Variants in BNC2 observed in about 807,000 individuals in gnomAD.
BNC2 encodes the protein zinc finger protein basonuclin-2.
BNC2 carries 20 observed loss-of-function variants against 76.3 expected under a neutral mutation model. That is an observed-to-expected ratio of 0.26 (90% confidence interval 0.18 to 0.38). The LOEUF (loss-of-function observed/expected upper bound fraction) is 0.38, where lower values mean the gene tolerates loss of function less well. Among genes scored for constraint, BNC2 ranks in the 10% least tolerant of loss-of-function variants. BNC2 has a pLI of 1.00. For missense variants in BNC2, 1,382 were observed against 1,399.8 expected (o/e 0.99, Z 0.20); for synonymous variants, 582 against 514.8 (o/e 1.13, Z -1.77).
Position 16,418,851 on chromosome 9 carries a change from T to C in BNC2, c.*138A>G. The C allele has an allele frequency of 1.1e-6, 1 of 938,662 alleles. No homozygotes were observed. Among genetic ancestry groups the C allele is most frequent in the South Asian group, 1.5e-5 (1 of 65,110 alleles). 58.1% of individuals were successfully genotyped at this position (938,662 alleles called of 1,614,324 possible). ...TCAAGGAAATACGTGTGTGTATATG[T>C]AGCCACAGAGCATACATAAATGCAC... On this transcript the variant is annotated 3_prime_UTR_variant, in exon 7 of 7. Transcript: ENST00000380672.
intron 4 of BNC2, among the ~76,000 whole-genome samples, chr9:16,557,494 G>A (rs1034048486): frequency 1.3e-4 from 20 of 150,684 alleles, no homozygotes; most frequent in African/African-American, 4.9e-4. Context: ...GTGAGACTCT[G>A]TCACAGGATT....
At chr9:16,664,879 T>C (rs1275038723) in intron 3 of BNC2, among the ~76,000 whole-genome samples, 1 of 95,054 alleles carries the variant, frequency 1.1e-5, no homozygotes, top group Non-Finnish European at 2.2e-5. Flanking sequence ...ACCATAAGCA[T>C]TGTGCTGATG....
chr9:16,440,284 G>A (rs890239893), intron 5 of BNC2, among the ~76,000 whole-genome samples: 1 of 152,148 alleles, frequency 6.6e-6, no homozygotes, highest in African/African-American at 2.4e-5. Context: ...CTCAGTGGCT[G>A]TCATTCCATG....
chr9:16,649,039 T>A (rs1821719538), intron 3 of BNC2, among the ~76,000 whole-genome samples: 1 of 152,212 alleles, frequency 6.6e-6, no homozygotes, highest in Non-Finnish European at 1.5e-5. Flanking sequence ...AAGAAGTGTA[T>A]CTTTGATATG....
At chr9:16,610,875 A>G (rs1019514003) in intron 3 of BNC2, among the ~76,000 whole-genome samples, 2 of 152,212 alleles carry the variant, frequency 1.3e-5, no homozygotes, top group Non-Finnish European at 2.9e-5. Context: ...GTCATGATAA[A>G]GCAAGGAGAA....
intron 1 of BNC2, among the ~76,000 whole-genome samples, chr9:16,836,887 G>A (rs541482674): frequency 2.0e-5 from 3 of 152,184 alleles, no homozygotes; most frequent in South Asian, 2.1e-4. Flanking sequence ...CCACAGCATT[G>A]AGTGATAGCA....
At chr9:16,461,344 G>A (rs1478787072) in intron 5 of BNC2, among the ~76,000 whole-genome samples, 1 of 152,148 alleles carries the variant, frequency 6.6e-6, no homozygotes, top group Non-Finnish European at 1.5e-5. Flanking sequence ...GCAGGAATCT[G>A]TTTCTGCTTC....
intron 5 of BNC2, among the ~76,000 whole-genome samples, chr9:16,543,968 G>A (rs1395049732): frequency 6.6e-6 from 1 of 152,154 alleles, no homozygotes; most frequent in African/African-American, 2.4e-5. Flanking sequence ...AAGACAGGGG[G>A]ATCCTGACCA....
intron 3 of BNC2, among the ~76,000 whole-genome samples, chr9:16,613,993 A>G (rs1820625117): frequency 6.6e-6 from 1 of 152,222 alleles, no homozygotes; most frequent in Non-Finnish European, 1.5e-5. Flanking sequence ...AAAGAAAGGA[A>G]TGAAAATAAG....
intron 5 of BNC2, among the ~76,000 whole-genome samples, chr9:16,543,712 T>C (rs1258370679): frequency 2.0e-5 from 3 of 152,224 alleles, no homozygotes; most frequent in Non-Finnish European, 4.4e-5. Context: ...GCCGTTCAAA[T>C]AGTTAGAGCT....
At chr9:16,478,569 T>C (rs1157087888) in intron 5 of BNC2, among the ~76,000 whole-genome samples, 1 of 152,252 alleles carries the variant, frequency 6.6e-6, no homozygotes, top group African/African-American at 2.4e-5. Flanking sequence ...TATAACCTAA[T>C]TTCTGATCTT....
intron 2 of BNC2, among the ~76,000 whole-genome samples, chr9:16,731,484 G>T (rs1370394577): frequency 6.6e-6 from 1 of 152,030 alleles, no homozygotes; most frequent in Non-Finnish European, 1.5e-5. Context: ...CTTACACAAA[G>T]TAAGAAACTC....
chr9:16,845,826 T>C (rs1032300013), intron 1 of BNC2, among the ~76,000 whole-genome samples: 61 of 151,804 alleles, frequency 4.0e-4, no homozygotes, highest in African/African-American at 1.4e-3. Context: ...TAAGTTACCA[T>C]ATGACAGAAA....
chr9:16,738,298 G>T, intron 2 of BNC2, 62 bp downstream of exon 2: 2 of 1,555,736 alleles, frequency 1.3e-6, no homozygotes, highest in South Asian at 1.1e-5. Context: ...ATCTTAACTA[G>T]GTAATCAAAG....
At chr9:16,767,571 A>C (rs1279436340) in intron 1 of BNC2, among the ~76,000 whole-genome samples, 2 of 152,144 alleles carry the variant, frequency 1.3e-5, no homozygotes, top group Non-Finnish European at 2.9e-5. Flanking sequence ...GGAGATTAGA[A>C]GCCAAATGAG....
At chr9:16,745,365 TAAATTA>T (rs1352505214) in intron 1 of BNC2, among the ~76,000 whole-genome samples, 1 of 152,172 alleles carries the variant, frequency 6.6e-6, no homozygotes, top group Non-Finnish European at 1.5e-5. Context: ...CAAGAAATTT[TAAATTA>T]AAATATGGAT....
At chr9:16,678,155 G>A (rs997631000) in intron 3 of BNC2, among the ~76,000 whole-genome samples, 14 of 151,564 alleles carry the variant, frequency 9.2e-5, no homozygotes, top group African/African-American at 3.4e-4. Flanking sequence ...AAGGCAGTAA[G>A]GTAAGGGAGG....
At chr9:16,749,973 G>A (rs748667454) in intron 1 of BNC2, among the ~76,000 whole-genome samples, 1 of 152,088 alleles carries the variant, frequency 6.6e-6, no homozygotes, top group South Asian at 2.1e-4. Context: ...CTCTAAGAAC[G>A]AGGAATTTTA....
At chr9:16,637,725 C>T (rs1185637168) in intron 3 of BNC2, among the ~76,000 whole-genome samples, 2 of 152,176 alleles carry the variant, frequency 1.3e-5, no homozygotes, top group African/African-American at 2.4e-5. Context: ...AAGCAGGCCT[C>T]ACCTGGGTGA....
Sources: gnomAD v4.1 joint callset for allele counts (sites outside exome capture counted in the v4.1 genomes callset) on GRCh38, gnomAD v4.1.1 for gene constraint, MANE v1.5 for transcripts, NCBI Gene and HGNC (gene_info 2026-07-23, HGNC 2026-07-21) for gene names.